KLF2: variants seen among roughly 807,000 people sequenced by gnomAD.
KLF2 encodes Krueppel-like factor 2.
In KLF2, 9 loss-of-function variants were observed where a neutral mutation model predicts 22.2. The observed-to-expected ratio is 0.40, with a 90% CI of 0.24 to 0.71. The LOEUF (loss-of-function observed/expected upper bound fraction) is 0.71, where lower values mean the gene tolerates loss of function less well. KLF2 is among the 30% of genes least tolerant of loss of function. The pLI is 0.35. For missense variants in KLF2, 481 were observed against 542.1 expected (o/e 0.89, Z 1.12); for synonymous variants, 299 against 264.2 (o/e 1.13, Z -1.28).
intron 2 of KLF2, among the ~76,000 whole-genome samples, 176 bp downstream of exon 2, chr19:16,326,208 G>A (rs940194465): frequency 1.4e-4 from 21 of 151,078 alleles, no homozygotes; most frequent in Non-Finnish European, 2.4e-4. Context: ...AGGTTGGTTG[G>A]GGGGGCACAC....
At position 16,328,377 on chromosome 19, in the gene KLF2, ATC is replaced by A. The variant is rs1260226312; in HGVS notation, c.*1351_*1352del. 6.6e-6 allele frequency among the ~76,000 whole-genome samples: 1 copy of A among 152,070 alleles called. No individual in the cohort carries two copies. Among genetic ancestry groups the A allele is most frequent in the Non-Finnish European group, 1.5e-5 (1 of 68,008 alleles). On this transcript the variant is annotated 3_prime_UTR_variant, in exon 3 of 3. Coordinates refer to ENST00000248071, the MANE Select transcript of KLF2 (RefSeq NM_016270.4). ...CCCCAAGTGTCTCAGGCAAGGAGGT[ATC>A]TCTCCCCCCAGATTTCACCTGCCAC...
chr19:16,325,183 G>A, intron 1 of KLF2, 33 bp from the exon 2 acceptor site: 3 of 1,449,002 alleles, frequency 2.1e-6, no homozygotes, highest in Non-Finnish European at 2.7e-6. Flanking sequence ...GAGCCCCGCC[G>A]CCCGCTCACG....
Position 16,325,526 on chromosome 19 carries a change from ACGGCGG to A in KLF2, c.394_399del (p.Gly132_Gly133del). On this transcript the variant is annotated inframe_deletion, in exon 2 of 3. Transcript: ENST00000248071. The stretch of plus-strand genomic sequence containing the variant: ...GTCAAGGCCGAGCCCCCTGAAGCGG[ACGGCGG>A]CGGCGGCTACGGCTGCGCCCCCGGG... 2 of 1,267,332 alleles carry A rather than the reference ACGGCGG, an allele frequency of 1.6e-6. No homozygotes were observed. Among genetic ancestry groups the A allele is most frequent in the Non-Finnish European group, 2.0e-6 (2 of 1,009,748 alleles). The allele number at this position is 1,267,332 out of a possible 1,614,324, so 78.5% of individuals were successfully genotyped here. A position where few individuals can be genotyped will look rare whatever the true frequency, so the allele number is the denominator to read the frequency against.
intron 2 of KLF2, among the ~76,000 whole-genome samples, 200 bp from the exon 3 acceptor site, chr19:16,326,656 C>T (rs1318365195): frequency 2.0e-5 from 3 of 151,852 alleles, no homozygotes; most frequent in Non-Finnish European, 2.9e-5. Flanking sequence ...GTGGACCTTG[C>T]GCTCCTCCGA....
In KLF2 at chr19:16,328,335, A is replaced by G. The variant is rs1599498854; in HGVS notation, c.*1304A>G. ...GAAACCCACCTGGAGAGCAGAGGAG[A>G]CCCCTAAATCCCACCACCCCAAGTG... On this transcript the variant is annotated 3_prime_UTR_variant, in exon 3 of 3. Coordinates refer to ENST00000248071, the MANE Select transcript of KLF2 (RefSeq NM_016270.4). Among the ~76,000 whole-genome samples, 1 of 151,870 alleles carries G rather than the reference A, an allele frequency of 6.6e-6. No homozygotes were observed. The highest frequency in any genetic ancestry group is 6.6e-5 in the Admixed American group (1 of 15,210).
At chr19:16,326,704 G>T (rs1461272233) in intron 2 of KLF2, 152 bp from the exon 3 acceptor site, 4 of 739,230 alleles carry the variant, frequency 5.4e-6, no homozygotes, top group Non-Finnish European at 8.7e-6. Context: ...GGGGGGAGTT[G>T]GGGATGTAGG....
chr19:16,325,250 C>G lies in KLF2; in HGVS notation c.110C>G (p.Thr37Ser). The change falls in exon 2 of 3, where the codon ACC (threonine) becomes AGC (serine). Residue 37 changes from threonine (T) to serine (S), a missense_variant. Physicochemically the swap from Thr to Ser is moderately conservative, Grantham distance 58. Coordinates refer to ENST00000248071, the MANE Select transcript of KLF2 (RefSeq NM_016270.4). ...WPRAEPESGG[T>S]DDDLNSVLDF... Reference sequence around the variant, plus strand: ...CGCGCCGAACCCGAGTCCGGCGGCACCGACGACGACCTCAACAGCGTGCTG... The same window carrying G: ...CGCGCCGAACCCGAGTCCGGCGGCAGCGACGACGACCTCAACAGCGTGCTG... 6.5e-7 allele frequency: 1 copy of G among 1,541,032 alleles called. No homozygotes were observed. Among genetic ancestry groups the G allele is most frequent in the Non-Finnish European group, 8.7e-7 (1 of 1,148,636 alleles).
chr19:16,326,104 C>G, intron 2 of KLF2, 72 bp downstream of exon 2: 1 of 1,435,912 alleles, frequency 7.0e-7, no homozygotes, highest in East Asian at 2.7e-5. Context: ...CCAGCGCGCG[C>G]CAGAAAATGA....
In KLF2 at chr19:16,325,413, G is replaced by C; in HGVS notation, c.273G>C (p.Leu91=). The change falls in exon 2 of 3, where the codon CTG becomes CTC. Residue 91 remains leucine, a synonymous_variant. Transcript: ENST00000248071. ...CCTACAGCGCCCCCGCGGGTGGCCT[G>C]GTGTCTGAGCTGCTGCGACCCGAGC... ...PPPYSAPAGG[L]VSELLRPELD... The C allele has an allele frequency of 1.4e-6, 2 of 1,429,072 alleles. No individual in the cohort carries two copies. Among genetic ancestry groups the C allele is most frequent in the Non-Finnish European group, 1.8e-6 (2 of 1,102,684 alleles). 88.5% of individuals were successfully genotyped at this position (1,429,072 alleles called of 1,614,324 possible).
chr19:16,326,804 G>A, intron 2 of KLF2, 52 bp from the exon 3 acceptor site: 2 of 1,562,660 alleles, frequency 1.3e-6, no homozygotes, highest in Non-Finnish European at 8.7e-7. Context: ...GTAGCCATAC[G>A]TGCCCTGTCC....
rs1599498776 is a variant in KLF2, at chr19:16,328,104, C to A, written c.*1073C>A. Among the ~76,000 whole-genome samples, 1 of 152,132 alleles carries A rather than the reference C, an allele frequency of 6.6e-6. No individual in the cohort carries two copies. Among genetic ancestry groups the A allele is most frequent in the South Asian group, 2.1e-4 (1 of 4,822 alleles). On this transcript the variant is annotated 3_prime_UTR_variant, in exon 3 of 3. Transcript: ENST00000248071. ...TTTTCCAGATGAGGAAACGGAGGCCCGGAGAGGTAGCGGCAGGGTGGTGGA... is the reference window on the plus strand; with the variant it reads ...TTTTCCAGATGAGGAAACGGAGGCCAGGAGAGGTAGCGGCAGGGTGGTGGA...
At position 16,326,868 on chromosome 19, in the gene KLF2, A is replaced by T; in HGVS notation, c.905A>T (p.Tyr302Phe). Reference protein sequence around the residue: ...HLRTHTGEKPYHCNWDGCGWK... With the variant: ...HLRTHTGEKPFHCNWDGCGWK... ...CCCCTCCCTGCAGGTGAGAAGCCCT[A>T]CCACTGCAACTGGGACGGCTGCGGC... is the stretch of plus-strand genomic sequence containing the variant. Residue 302 changes from tyrosine to phenylalanine, a missense_variant, in exon 3 of 3, where the codon TAC becomes TTC. Around this residue, in one of 2 missense-constraint regions of KLF2, gnomAD observed 60 missense variants for 107.0 expected, o/e 0.56. Coordinates refer to ENST00000248071, the MANE Select transcript of KLF2 (RefSeq NM_016270.4). 6.2e-7 allele frequency: 1 copy of T among 1,611,492 alleles called. No homozygotes were observed.
chr19:16,324,857 C>T lies in KLF2; in HGVS notation c.-67C>T. On this transcript the variant is annotated 5_prime_UTR_variant, in exon 1 of 3. Coordinates refer to ENST00000248071, the MANE Select transcript of KLF2 (RefSeq NM_016270.4). ...CCGTCCCCGCCCGCCCGCGCCCCGA[C>T]CAGCCCGGCCTCGGGCAGCCACTCA... 1.4e-6 allele frequency: 2 copies of T among 1,387,820 alleles called. No homozygotes were observed. Among genetic ancestry groups the T allele is most frequent in the Non-Finnish European group, 2.0e-6 (2 of 1,013,926 alleles). The allele number at this position is 1,387,820 out of a possible 1,614,324, so 86.0% of individuals were successfully genotyped here.
At chr19:16,326,687 G>A (rs1187075489) in intron 2 of KLF2, among the ~76,000 whole-genome samples, 169 bp from the exon 3 acceptor site, 1 of 152,012 alleles carries the variant, frequency 6.6e-6, no homozygotes, top group Admixed American at 6.6e-5. Context: ...GTGAGGATCC[G>A]GATTGTGGGG....
rs1333710724 is a variant in KLF2, at chr19:16,325,488, G to T, written c.348G>T (p.Pro116=). The T allele has an allele frequency of 1.1e-5, 15 of 1,355,128 alleles. No homozygotes were observed. In the East Asian group the frequency reaches 2.9e-4, roughly 26 times the overall value. The allele number at this position is 1,355,128 out of a possible 1,614,324, so 83.9% of individuals were successfully genotyped here. Residue 116 remains proline (P), a synonymous_variant, in exon 2 of 3, where the codon CCG becomes CCT. Coordinates refer to ENST00000248071, the MANE Select transcript of KLF2 (RefSeq NM_016270.4). ...PALHGRFLLA[P]PGRLVKAEPP... ...TGCACGGCCGCTTTCTGCTGGCGCC[G>T]CCCGGCCGCCTGGTCAAGGCCGAGC...
In KLF2 at chr19:16,327,055, G is replaced by A. The variant is rs1452204887; in HGVS notation, c.*24G>A. ...AGCCGGGACGCCCCCGCCCACCTGC[G>A]CGCGGCCGTGGCGGGTCCCACGCGC... On this transcript the variant is annotated 3_prime_UTR_variant, in exon 3 of 3. Coordinates refer to ENST00000248071, the MANE Select transcript of KLF2 (RefSeq NM_016270.4). 2 of 1,540,814 alleles carry A rather than the reference G, an allele frequency of 1.3e-6. No individual in the cohort carries two copies. Among genetic ancestry groups the A allele is most frequent in the Non-Finnish European group, 1.8e-6 (2 of 1,140,866 alleles).
In KLF2 at chr19:16,325,801, C is replaced by T. The variant is rs1393195389; in HGVS notation, c.661C>T (p.Leu221Phe). 3.7e-6 allele frequency: 5 copies of T among 1,341,296 alleles called. No individual in the cohort carries two copies. The African/African-American group carries it at 4.6e-5, about 12-fold the overall frequency. The allele number at this position is 1,341,296 out of a possible 1,614,324, so 83.1% of individuals were successfully genotyped here. Residue 221 changes from leucine (L) to phenylalanine (F), a missense_variant, in exon 2 of 3, where the codon CTC (leucine) becomes TTC (phenylalanine). This residue lies in a region of KLF2 where 421 missense variants were observed against 435.1 expected (regional missense o/e 0.97). Coordinates refer to ENST00000248071, the MANE Select transcript of KLF2 (RefSeq NM_016270.4). ...YAPPAPPAFG[L>F]FDDAAAAAAA... ...GCCGCCTGCGCCCCCAGCCTTCGGT[C>T]TCTTCGACGACGCGGCCGCCGCCGC...
Position 16,328,571 on chromosome 19 carries a change from C to T in KLF2, c.*1540C>T, listed in dbSNP as rs1480513797. Among the ~76,000 whole-genome samples the T allele has an allele frequency of 2.0e-5, 3 of 152,208 alleles. No individual in the cohort carries two copies. Among genetic ancestry groups the T allele is most frequent in the African/African-American group, 7.2e-5 (3 of 41,458 alleles). ...TCCCTCCCTGCATCCTTCCTCCTCC[C>T]CAACTACGGCAGCCCTGGAAACAGC... On this transcript the variant is annotated 3_prime_UTR_variant, in exon 3 of 3. Coordinates refer to ENST00000248071, the MANE Select transcript of KLF2 (RefSeq NM_016270.4).
intron 2 of KLF2, 91 bp from the exon 3 acceptor site, chr19:16,326,765 C>A: frequency 7.5e-7 from 1 of 1,330,826 alleles, no homozygotes; most frequent in Non-Finnish European, 1.0e-6. Flanking sequence ...CGTCAAGGCC[C>A]TGGTTAGGGA....
Sources: allele counts gnomAD v4.1 joint callset (sites outside exome capture counted in the v4.1 genomes callset), GRCh38; gene constraint gnomAD v4.1.1; regional missense constraint gnomAD v4.1.1; transcripts MANE v1.5; gene names NCBI Gene and HGNC (gene_info 2026-07-23, HGNC 2026-07-21).